Variants in SLC8A3 observed in about 807,000 individuals in gnomAD.
SLC8A3 encodes the protein sodium/calcium exchanger 3.
SLC8A3 carries 37 observed loss-of-function variants against 65.4 expected under a neutral mutation model. The ratio of observed to expected loss-of-function variants is 0.57; its 90% CI spans 0.44 to 0.74. The LOEUF is 0.74. Ranked by LOEUF, SLC8A3 falls within the 30% of genes least tolerant of loss-of-function variation. The probability of loss-of-function intolerance (pLI) is 0.00; values close to 1 mark genes in which losing one functional copy is unlikely to be tolerated. For synonymous variants in SLC8A3, 461 were observed against 444.5 expected (o/e 1.04, Z -0.47); for missense variants, 1,112 against 1,172.1 (o/e 0.95, Z 0.75).
intron 2 of SLC8A3, among the ~76,000 whole-genome samples, chr14:70,158,914 A>G (rs1896728228): frequency 6.6e-6 from 1 of 152,176 alleles, no homozygotes; most frequent in South Asian, 2.1e-4. Context: ...CTCCATGGTT[A>G]TTTAGCAAAA....
rs568422348 is a variant in SLC8A3 at position 70,094,358 on chromosome 14, G to T, written c.1785-33419C>A. Among the ~76,000 whole-genome samples the T allele has an allele frequency of 3.3e-5, 5 of 152,316 alleles. No individual in the cohort carries two copies. The East Asian group carries it at 7.7e-4, about 23-fold the overall frequency. ...AACAATGGCTGATGGTTGGGTAGCT[G>T]CCTGGTATAGAACAGGTGCTCCATA... On this transcript the variant is annotated intron_variant, in intron 2 of 6. Coordinates refer to ENST00000356921, the MANE Select transcript of SLC8A3 (RefSeq NM_182932.3).
Position 70,048,776 on chromosome 14 carries a change from A to C in SLC8A3, c.2380T>G (p.Ser794Ala), listed in dbSNP as rs1887087887. ...TAVVFVAFGT[S>A]VPDTFASKAA... ...CACCTCTCACTCTCACCTGGGACAG[A>C]GGTGCCAAATGCCACGAAAACAACA... Residue 794 changes from serine (S) to alanine (A), a missense_variant, in exon 6 of 7, where the codon TCT (serine) becomes GCT (alanine). Transcript: ENST00000356921. 2.5e-6 allele frequency: 4 copies of C among 1,613,726 alleles called. No homozygotes were observed. Among genetic ancestry groups the C allele is most frequent in the African/African-American group, 2.7e-5 (2 of 74,942 alleles).
chr14:70,088,818 C>T (rs899914606), intron 2 of SLC8A3, among the ~76,000 whole-genome samples: 1 of 152,218 alleles, frequency 6.6e-6, no homozygotes, highest in Non-Finnish European at 1.5e-5. Flanking sequence ...TTCTTGCCTG[C>T]ATTCTGGCTT....
chr14:70,049,087 A>G (rs1194380707), intron 5 of SLC8A3, 45 bp from the exon 6 acceptor site: 6 of 1,550,536 alleles, frequency 3.9e-6, no homozygotes, highest in Non-Finnish European at 5.3e-6. Context: ...ACGAAGTCAG[A>G]TAATCATTCA....
chr14:70,123,677 C>T (rs931530685), intron 2 of SLC8A3, among the ~76,000 whole-genome samples: 10 of 152,088 alleles, frequency 6.6e-5, no homozygotes, highest in South Asian at 2.1e-4. Flanking sequence ...CTTGAACTCC[C>T]GACCTCAGGT....
intron 1 of SLC8A3, among the ~76,000 whole-genome samples, chr14:70,183,776 T>C (rs1882951059): frequency 6.6e-6 from 1 of 152,256 alleles, no homozygotes; most frequent in Non-Finnish European, 1.5e-5. Flanking sequence ...TAAGTCTGCC[T>C]GTTTTCATGG....
intron 2 of SLC8A3, among the ~76,000 whole-genome samples, chr14:70,149,642 T>G (rs1390302330): frequency 6.6e-6 from 1 of 152,200 alleles, no homozygotes; most frequent in Non-Finnish European, 1.5e-5. Flanking sequence ...AAGAGCCCTC[T>G]GCAGCCTGTA....
intron 2 of SLC8A3, among the ~76,000 whole-genome samples, chr14:70,114,197 A>C (rs571508948): frequency 6.6e-6 from 1 of 152,262 alleles, no homozygotes; most frequent in South Asian, 2.1e-4. Flanking sequence ...CCCTCTGCGG[A>C]CCACCTGACA....
intron 2 of SLC8A3, among the ~76,000 whole-genome samples, chr14:70,088,338 C>T (rs901748772): frequency 6.6e-6 from 1 of 152,114 alleles, no homozygotes; most frequent in African/African-American, 2.4e-5. Flanking sequence ...AGCCAGTGCC[C>T]ACCAGTCTCC....
intron 2 of SLC8A3, among the ~76,000 whole-genome samples, chr14:70,082,056 T>C (rs1440580394): frequency 6.6e-6 from 1 of 152,224 alleles, no homozygotes. Flanking sequence ...GTAGCATTTC[T>C]ATTTTGCCCA....
At chr14:70,169,773 A>G (rs2140386052) in intron 1 of SLC8A3, among the ~76,000 whole-genome samples, 1 of 150,926 alleles carries the variant, frequency 6.6e-6, no homozygotes, top group South Asian at 2.1e-4. Flanking sequence ...TTGTGTTTGT[A>G]CAGCACCTTA....
chr14:70,166,506 C>T (rs572411684), intron 2 of SLC8A3, 133 bp downstream of exon 2: 1 of 619,988 alleles, frequency 1.6e-6, no homozygotes, highest in Admixed American at 3.0e-5. Context: ...GCTGATCCTG[C>T]ATACCTGTGA....
At chr14:70,057,576 A>G (rs1450386563) in intron 3 of SLC8A3, among the ~76,000 whole-genome samples, 1 of 152,150 alleles carries the variant, frequency 6.6e-6, no homozygotes, top group African/African-American at 2.4e-5. Flanking sequence ...TTCTCTGGTC[A>G]TTGTCTCCAT....
At chr14:70,153,391 C>G (rs918411446) in intron 2 of SLC8A3, among the ~76,000 whole-genome samples, 30 of 152,070 alleles carry the variant, frequency 2.0e-4, no homozygotes, top group African/African-American at 6.5e-4. Flanking sequence ...TGTGTGTGCC[C>G]CACAAGCTGA....
rs1897203684 is a variant in SLC8A3 at position 70,166,969 on chromosome 14, C to T, written c.1454G>A (p.Ser485Asn). ...EEDEHFFVRL[S>N]NVRIEEEQPE... is the part of the protein sequence containing the mutation. ...CTGCTCCTCCTCTATGCGGACATTG[C>T]TCAACCTTACAAAGAAGTGTTCATC... Residue 485 changes from serine (S) to asparagine (N), a missense_variant, in exon 2 of 7, where the codon AGC becomes AAC. Physicochemically the swap from Ser to Asn is conservative, Grantham distance 46. Transcript: ENST00000356921. 1 of 1,614,138 alleles carries T rather than the reference C, an allele frequency of 6.2e-7. No individual in the cohort carries two copies. Among genetic ancestry groups the T allele is most frequent in the Non-Finnish European group, 8.5e-7 (1 of 1,180,014 alleles).
At chr14:70,131,762 C>A (rs903892033) in intron 2 of SLC8A3, among the ~76,000 whole-genome samples, 1 of 152,144 alleles carries the variant, frequency 6.6e-6, no homozygotes, top group Non-Finnish European at 1.5e-5. Context: ...GCGTGAAAAT[C>A]AGGTTGAAGT....
rs1897289941 is a variant in SLC8A3, at chr14:70,168,102, A to G, written c.321T>C (p.Ser107=). 4.3e-6 allele frequency: 7 copies of G among 1,613,924 alleles called. No individual in the cohort carries two copies. The highest frequency in any genetic ancestry group is 5.9e-6 in the Non-Finnish European group (7 of 1,179,968). ...TCTTAATTGTCACCTCCCTCTCTTG[A>G]GAGGTGATGACTTCAATAGATGCCA... ...RFMASIEVIT[S]QEREVTIKKP... is the part of the protein sequence containing the mutation. Residue 107 remains serine, a synonymous_variant, in exon 2 of 7, where the codon TCT becomes TCC. Transcript: ENST00000356921.
At chr14:70,090,562 C>T (rs950186492) in intron 2 of SLC8A3, among the ~76,000 whole-genome samples, 5 of 152,116 alleles carry the variant, frequency 3.3e-5, no homozygotes, top group African/African-American at 1.2e-4. Flanking sequence ...AACATAAAGG[C>T]GCTTCATGAA....
At chr14:70,056,856 T>C (rs1390990802) in intron 3 of SLC8A3, among the ~76,000 whole-genome samples, 1 of 152,248 alleles carries the variant, frequency 6.6e-6, no homozygotes, top group South Asian at 2.1e-4. Flanking sequence ...TTTGTACTTA[T>C]GCTGAACCCT....
Sources: allele counts gnomAD v4.1 joint callset (sites outside exome capture counted in the v4.1 genomes callset), GRCh38; gene constraint gnomAD v4.1.1; transcripts MANE v1.5; gene names NCBI Gene and HGNC (gene_info 2026-07-23, HGNC 2026-07-21).